The following STK3 variants were observed in gnomAD, a reference collection of about 807,000 sequenced individuals.
The protein encoded by STK3 is serine/threonine-protein kinase 3.
A neutral mutation model predicts 58.0 loss-of-function variants in STK3; 41 were observed. The observed-to-expected ratio is 0.71, with a 90% CI of 0.55 to 0.92. The LOEUF is 0.92. Ranked by LOEUF, STK3 falls within the 40% of genes least tolerant of loss-of-function variation. The pLI is 0.00. For synonymous variants in STK3, 170 were observed against 191.0 expected (o/e 0.89, Z 0.91); for missense variants, 479 against 602.7 (o/e 0.79, Z 2.15).
intron 6 of STK3, among the ~76,000 whole-genome samples, chr8:98,605,813 T>C (rs1586991801): frequency 6.6e-6 from 1 of 152,120 alleles, no homozygotes; most frequent in Non-Finnish European, 1.5e-5. Flanking sequence ...GGAGTTGTCA[T>C]GAATGGTTTA....
At chr8:98,878,591 T>C (rs879370679) in intron 3 of STK3, among the ~76,000 whole-genome samples, 5 of 152,116 alleles carry the variant, frequency 3.3e-5, no homozygotes, top group Non-Finnish European at 7.4e-5. Context: ...TAGTTTAGCC[T>C]GTGCAGTCTA....
intron 6 of STK3, among the ~76,000 whole-genome samples, chr8:98,656,319 A>G (rs992634012): frequency 4.0e-5 from 6 of 148,318 alleles, no homozygotes; most frequent in African/African-American, 1.3e-4. Context: ...GGAACATCAC[A>G]CTCTGGGGAC....
chr8:98,426,051 G>A (rs887961496), intron 3 of STK3, among the ~76,000 whole-genome samples: 1 of 152,144 alleles, frequency 6.6e-6, no homozygotes, highest in Non-Finnish European at 1.5e-5. Flanking sequence ...CAGACCAAGA[G>A]CTCAGATCTG....
intron 1 of STK3, among the ~76,000 whole-genome samples, chr8:98,909,138 G>A (rs1245306207): frequency 6.6e-6 from 1 of 152,182 alleles, no homozygotes; most frequent in Non-Finnish European, 1.5e-5. Flanking sequence ...TCTAGCCTGG[G>A]CAACAGAGTG....
chr8:98,598,645 T>C, intron 6 of STK3: 1 of 985,402 alleles, frequency 1.0e-6, no homozygotes, highest in African/African-American at 1.7e-5. Context: ...CTATAGAAAG[T>C]TTTGGCAATC....
In STK3 at chr8:98,470,713, A is replaced by AT. The variant is rs568996724; in HGVS notation, c.1318-14714dup. On this transcript the variant is annotated intron_variant, in intron 10 of 10. Coordinates refer to ENST00000419617, the MANE Select transcript of STK3 (RefSeq NM_006281.4). The stretch of plus-strand genomic sequence containing the variant: ...TATATCAACTAATTTTAAAGATGAC[A>AT]TTTTTCCTAGACAATTTTGCTAGGG... Among the ~76,000 whole-genome samples the AT allele has an allele frequency of 3.9e-4, 59 of 152,294 alleles. No individual in the cohort carries two copies. The East Asian group carries it at 0.011, about 29-fold the overall frequency.
At chr8:98,940,658 AC>A (rs1840380248) in intron 1 of STK3, among the ~76,000 whole-genome samples, 1 of 151,936 alleles carries the variant, frequency 6.6e-6, no homozygotes, top group African/African-American at 2.4e-5. Context: ...CCCCTGGGAA[AC>A]CCCTCTGCAT....
intron 6 of STK3, among the ~76,000 whole-genome samples, chr8:98,673,377 T>C (rs1432300243): frequency 6.6e-6 from 1 of 152,182 alleles, no homozygotes; most frequent in African/African-American, 2.4e-5. Context: ...ACCCACAAAA[T>C]AGGGTTTGAT....
chr8:98,418,305 G>A (rs1451308181), intron 3 of STK3, among the ~76,000 whole-genome samples: 2 of 152,234 alleles, frequency 1.3e-5, no homozygotes, highest in African/African-American at 4.8e-5. Context: ...CAAGCAGCGT[G>A]GTATCTCAGA....
the STK3 span, among the ~76,000 whole-genome samples, chr8:98,362,728 A>G: frequency 2.0e-5 from 3 of 152,150 alleles, no homozygotes; most frequent in Non-Finnish European, 4.4e-5. Flanking sequence ...AAGTGGGGCA[A>G]AAGTATGATG....
At chr8:98,782,396 G>A in intron 1 of STK3, 1 of 236,266 alleles carries the variant, frequency 4.2e-6, no homozygotes, top group South Asian at 6.7e-5. Context: ...ATCGCCACAT[G>A]TATCACAGCC....
At chr8:98,398,444 G>A (rs1817914330), downstream of STK3, among the ~76,000 whole-genome samples, 1 of 152,146 alleles carries the variant, frequency 6.6e-6, no homozygotes, top group South Asian at 2.1e-4. Context: ...TGGGCATCAT[G>A]ATCAAAGATG....
At chr8:98,841,665 AAG>A (rs1388144265) in intron 3 of STK3, among the ~76,000 whole-genome samples, 2 of 150,090 alleles carry the variant, frequency 1.3e-5, no homozygotes, top group African/African-American at 4.9e-5. Flanking sequence ...CTGGGCAAAA[AAG>A]AGAGACCTGG....
chr8:98,485,190 G>C (rs182618854), intron 10 of STK3, among the ~76,000 whole-genome samples: 1 of 151,914 alleles, frequency 6.6e-6, no homozygotes, highest in Admixed American at 6.6e-5. Flanking sequence ...GCAGTGAGCC[G>C]AGATTGTGCC....
chr8:98,468,662 T>C (rs900344049), intron 10 of STK3, among the ~76,000 whole-genome samples: 3 of 152,248 alleles, frequency 2.0e-5, no homozygotes, highest in African/African-American at 7.2e-5. Flanking sequence ...TAAGTCCTGC[T>C]AGTTATTAAC....
At chr8:98,615,432 T>A (rs1817620774) in intron 6 of STK3, among the ~76,000 whole-genome samples, 1 of 151,540 alleles carries the variant, frequency 6.6e-6, no homozygotes, top group Non-Finnish European at 1.5e-5. Flanking sequence ...ACGCAGTTCC[T>A]CACCAGCAAT....
At chr8:98,610,900 A>G (rs1324336990) in intron 6 of STK3, among the ~76,000 whole-genome samples, 1 of 152,234 alleles carries the variant, frequency 6.6e-6, no homozygotes, top group Non-Finnish European at 1.5e-5. Context: ...CCAAAGTGCA[A>G]AGACTAAGTT....
At chr8:98,728,379 G>T (rs1827934638) in intron 4 of STK3, among the ~76,000 whole-genome samples, 1 of 152,146 alleles carries the variant, frequency 6.6e-6, no homozygotes, top group Non-Finnish European at 1.5e-5. Flanking sequence ...GCAGAGAGAG[G>T]TTGTCTTTCA....
chr8:98,379,769 C>T (rs1296690790), intron 1 of STK3, among the ~76,000 whole-genome samples: 6 of 152,178 alleles, frequency 3.9e-5, no homozygotes, highest in East Asian at 1.9e-4. Flanking sequence ...ATAGAACTAC[C>T]ATATGATCCA....
Sources: allele counts gnomAD v4.1 joint callset (sites outside exome capture counted in the v4.1 genomes callset), GRCh38; gene constraint gnomAD v4.1.1; transcripts MANE v1.5; gene names NCBI Gene and HGNC (gene_info 2026-07-23, HGNC 2026-07-21).